Variants in IL1RAPL1 observed in about 807,000 individuals in gnomAD.
IL1RAPL1 encodes interleukin 1 receptor accessory protein like 1.
In IL1RAPL1, 3 loss-of-function variants were observed where a neutral mutation model predicts 48.4. The observed-to-expected ratio is 0.06, with a 90% CI of 0.03 to 0.16. The LOEUF is 0.16. Among genes scored for constraint, IL1RAPL1 ranks in the 10% least tolerant of loss-of-function variants. IL1RAPL1 has a pLI of 1.00. For missense variants in IL1RAPL1, 349 were observed against 530.6 expected (o/e 0.66, Z 3.36); for synonymous variants, 185 against 187.7 (o/e 0.99, Z 0.12).
chrX:29,634,703 TTAGCAATCAC>T (rs1160044795), intron 5 of IL1RAPL1, among the ~76,000 whole-genome samples: 1 of 111,776 alleles, frequency 8.9e-6, no homozygotes, highest in African/African-American at 3.3e-5. Flanking sequence ...TGGAGTTCAA[TTAGCAATCAC>T]CATCCTTCTG....
intron 1 of IL1RAPL1, among the ~76,000 whole-genome samples, chrX:28,788,525 GAC>G (rs1432292383): frequency 9.0e-6 from 1 of 110,597 alleles, no homozygotes; most frequent in Non-Finnish European, 1.9e-5. Flanking sequence ...GTAGTACAGT[GAC>G]ACAATCTCAG....
chrX:29,895,930 G>A (rs188543892), intron 6 of IL1RAPL1, among the ~76,000 whole-genome samples: 1 of 111,788 alleles, frequency 8.9e-6, no homozygotes, highest in East Asian at 2.8e-4. Context: ...TGTGAGTAGA[G>A]GATGAATGAG....
At chrX:28,779,630 GTGTGTATATATATATA>G (rs1310023472) in intron 1 of IL1RAPL1, among the ~76,000 whole-genome samples, 1,042 of 61,134 alleles carry the variant, frequency 0.017, 33 homozygotes, top group African/African-American at 0.056. Flanking sequence ...GTGTGTGTGT[GTGTGTATATATATATA>G]TATATATATA....
intron 2 of IL1RAPL1, among the ~76,000 whole-genome samples, chrX:28,964,408 A>G (rs2147364669): frequency 9.0e-6 from 1 of 111,714 alleles, no homozygotes; most frequent in African/African-American, 3.2e-5. Context: ...CGATGGATAT[A>G]TTTTCCACTT....
intron 2 of IL1RAPL1, among the ~76,000 whole-genome samples, chrX:28,982,622 A>T (rs1287362188): frequency 1.8e-5 from 2 of 111,550 alleles, no homozygotes; most frequent in African/African-American, 6.5e-5. Flanking sequence ...AGCTTGAGAT[A>T]TATTTCATAG....
chrX:29,447,421 A>G lies in IL1RAPL1; in HGVS notation c.703+48113A>G, dbSNP rs1012902528. Among the ~76,000 whole-genome samples the G allele has an allele frequency of 2.7e-5, 3 of 111,345 alleles. 1 individual carries two copies. In the Admixed American group the frequency reaches 2.9e-4, roughly 11 times the overall value. ...AAGAGGGACATGAATTTCAGTGTTTATTCATGAAGTTTACAATTGATATAT... is the reference window on the plus strand; with the variant it reads ...AAGAGGGACATGAATTTCAGTGTTTGTTCATGAAGTTTACAATTGATATAT... On this transcript the variant is annotated intron_variant, in intron 5 of 10. Coordinates refer to ENST00000378993, the MANE Select transcript of IL1RAPL1 (RefSeq NM_014271.4).
intron 2 of IL1RAPL1, among the ~76,000 whole-genome samples, chrX:29,203,986 T>A (rs1440301007): frequency 2.7e-5 from 3 of 109,874 alleles, no homozygotes; most frequent in African/African-American, 1.0e-4. Flanking sequence ...CTGTTTCATT[T>A]AACATAATGA....
chrX:29,681,872 C>G (rs1253479001), intron 6 of IL1RAPL1, among the ~76,000 whole-genome samples: 1 of 107,172 alleles, frequency 9.3e-6, no homozygotes, highest in African/African-American at 3.4e-5. Flanking sequence ...GTCAGTATGT[C>G]AGACTCTAAG....
At chrX:29,087,679 T>A (rs745679837) in intron 2 of IL1RAPL1, among the ~76,000 whole-genome samples, 30 of 112,396 alleles carry the variant, frequency 2.7e-4, no homozygotes, top group African/African-American at 9.7e-4. Context: ...TTTCCATCTA[T>A]ACATATTTCA....
intron 5 of IL1RAPL1, among the ~76,000 whole-genome samples, chrX:29,605,071 AACAC>A (rs757087732): frequency 0.14 from 8,890 of 64,827 alleles, 570 homozygotes; most frequent in Admixed American, 0.2. Context: ...CTAAGTCTTA[AACAC>A]ACACACACAC....
chrX:29,177,686 C>T (rs1168729000), intron 2 of IL1RAPL1, among the ~76,000 whole-genome samples: 1 of 111,735 alleles, frequency 8.9e-6, no homozygotes, highest in Non-Finnish European at 1.9e-5. Context: ...TGTTGGTTTG[C>T]TGCACCCATC....
chrX:28,951,134 AG>A (rs1408210347), intron 2 of IL1RAPL1, among the ~76,000 whole-genome samples: 1 of 42,521 alleles, frequency 2.4e-5, no homozygotes, highest in Non-Finnish European at 4.0e-5. Flanking sequence ...GGGTGGGGGG[AG>A]GGGGGAGGGA....
intron 1 of IL1RAPL1, among the ~76,000 whole-genome samples, chrX:28,659,711 G>A (rs1934795234): frequency 9.0e-6 from 1 of 110,688 alleles, no homozygotes. Context: ...CATTAACAAA[G>A]GATTTAACCA....
At chrX:29,087,422 C>T (rs1471753289) in intron 2 of IL1RAPL1, among the ~76,000 whole-genome samples, 2 of 110,857 alleles carry the variant, frequency 1.8e-5, no homozygotes, top group African/African-American at 6.6e-5. Flanking sequence ...AGGCATGAGC[C>T]ACCGTGCCTG....
intron 6 of IL1RAPL1, among the ~76,000 whole-genome samples, chrX:29,837,116 A>G (rs1409549353): frequency 9.4e-6 from 1 of 106,877 alleles, no homozygotes; most frequent in African/African-American, 3.4e-5. Context: ...AAACAAAATT[A>G]GCCAGGCGTG....
At chrX:28,647,204 T>C (rs1934623140) in intron 1 of IL1RAPL1, among the ~76,000 whole-genome samples, 1 of 112,249 alleles carries the variant, frequency 8.9e-6, no homozygotes, top group Admixed American at 9.5e-5. Context: ...TAAATAAAAA[T>C]CTAGATAACA....
chrX:29,939,846 G>A (rs1933095446), intron 8 of IL1RAPL1, among the ~76,000 whole-genome samples: 1 of 106,767 alleles, frequency 9.4e-6, no homozygotes. Flanking sequence ...TAGGTAATAG[G>A]AAATATGAAT....
chrX:29,554,098 G>A (rs1921914951), intron 5 of IL1RAPL1, among the ~76,000 whole-genome samples: 1 of 110,536 alleles, frequency 9.0e-6, no homozygotes, highest in South Asian at 3.8e-4. Flanking sequence ...TGACTTCCTA[G>A]CTCTTTACAT....
intron 1 of IL1RAPL1, among the ~76,000 whole-genome samples, chrX:28,647,090 A>C (rs1934621489): frequency 9.0e-6 from 1 of 111,204 alleles, no homozygotes; most frequent in African/African-American, 3.3e-5. Context: ...TTTATCCTCT[A>C]CTCTCAGAAT....
Sources: gnomAD v4.1 joint callset for allele counts (sites outside exome capture counted in the v4.1 genomes callset) on GRCh38, gnomAD v4.1.1 for gene constraint, MANE v1.5 for transcripts, NCBI Gene and HGNC (gene_info 2026-07-23, HGNC 2026-07-21) for gene names.